PRKCB: variants seen among roughly 807,000 people sequenced by gnomAD.
PRKCB encodes protein kinase C beta type.
Under a neutral mutation model 81.5 loss-of-function variants are expected in PRKCB, and 13 were observed. That is an observed-to-expected ratio of 0.16 (90% confidence interval 0.10 to 0.25). The LOEUF (loss-of-function observed/expected upper bound fraction) is 0.25, where lower values mean the gene tolerates loss of function less well. PRKCB is among the 10% of genes least tolerant of loss of function. PRKCB has a pLI of 1.00. For synonymous variants in PRKCB, 335 were observed against 321.4 expected (o/e 1.04, Z -0.45); for missense variants, 509 against 875.7 (o/e 0.58, Z 5.29).
At chr16:23,981,986 C>G (rs1294908444) in intron 2 of PRKCB, among the ~76,000 whole-genome samples, 3 of 122,332 alleles carry the variant, frequency 2.5e-5, no homozygotes, top group African/African-American at 9.3e-5. Flanking sequence ...CCTTCCCTTT[C>G]CCTTCCTTTT....
intron 7 of PRKCB, among the ~76,000 whole-genome samples, chr16:24,105,055 A>AT (rs71154278): frequency 0.48 from 71,438 of 148,078 alleles, 18,692 homozygotes; most frequent in Non-Finnish European, 0.59. Flanking sequence ...ACGTTGTTGG[A>AT]TTTTTTTTTT....
chr16:23,981,737 C>T (rs1964712276), intron 2 of PRKCB, among the ~76,000 whole-genome samples: 1 of 83,138 alleles, frequency 1.2e-5, no homozygotes, highest in Non-Finnish European at 2.4e-5. Context: ...CCTTCCCCTT[C>T]CCTTCCCCTT....
chr16:23,931,726 C>T (rs117716161), intron 2 of PRKCB, among the ~76,000 whole-genome samples: 4,732 of 152,032 alleles, frequency 0.031, 88 homozygotes, highest in Middle Eastern at 0.061. Flanking sequence ...GGCCTTCTGG[C>T]CTGCTGGGTC....
chr16:23,940,490 A>G (rs1179446018), intron 2 of PRKCB, among the ~76,000 whole-genome samples: 1 of 152,124 alleles, frequency 6.6e-6, no homozygotes, highest in Non-Finnish European at 1.5e-5. Context: ...TTATATTCTG[A>G]TGAAATATAG....
At chr16:23,870,426 AT>A (rs527920250) in intron 2 of PRKCB, among the ~76,000 whole-genome samples, 329 of 152,312 alleles carry the variant, frequency 2.2e-3, no homozygotes, top group Middle Eastern at 0.01. Context: ...TATTTAATCT[AT>A]TGTCAGATAA....
At chr16:23,879,653 CT>C (rs1335318214) in intron 2 of PRKCB, among the ~76,000 whole-genome samples, 1 of 151,968 alleles carries the variant, frequency 6.6e-6, no homozygotes, top group Non-Finnish European at 1.5e-5. Context: ...ACCACCATGC[CT>C]GGCTAAGTTT....
At chr16:23,980,646 C>T (rs1415036018) in intron 2 of PRKCB, among the ~76,000 whole-genome samples, 6 of 152,112 alleles carry the variant, frequency 3.9e-5, no homozygotes, top group African/African-American at 1.4e-4. Flanking sequence ...CTTCTCATTT[C>T]TTCTCCTACC....
chr16:24,027,421 G>C (rs972017497), intron 3 of PRKCB, among the ~76,000 whole-genome samples: 5 of 152,182 alleles, frequency 3.3e-5, no homozygotes, highest in Admixed American at 3.3e-4. Flanking sequence ...GACATGGCTG[G>C]TTAAGCTGCC....
At chr16:23,967,952 G>T (rs1964509963) in intron 2 of PRKCB, among the ~76,000 whole-genome samples, 1 of 152,218 alleles carries the variant, frequency 6.6e-6, no homozygotes, top group Admixed American at 6.5e-5. Flanking sequence ...ACTGCGCCGG[G>T]CCTTTTATGG....
intron 2 of PRKCB, among the ~76,000 whole-genome samples, chr16:23,909,395 T>G (rs1019998370): frequency 6.6e-6 from 1 of 152,196 alleles, no homozygotes; most frequent in African/African-American, 2.4e-5. Context: ...TCCTCTTGGC[T>G]TATAGATAAC....
chr16:23,935,692 A>G (rs2141762248), intron 2 of PRKCB, among the ~76,000 whole-genome samples: 1 of 152,368 alleles, frequency 6.6e-6, no homozygotes, highest in South Asian at 2.1e-4. Context: ...AATACTATGC[A>G]GTCATAAAAG....
chr16:24,210,865 G>T (rs1968129105), intron 16 of PRKCB, among the ~76,000 whole-genome samples: 1 of 152,140 alleles, frequency 6.6e-6, no homozygotes, highest in Non-Finnish European at 1.5e-5. Context: ...CACATTTACA[G>T]TTACAGTCTC....
intron 2 of PRKCB, among the ~76,000 whole-genome samples, chr16:23,933,388 T>A (rs1216616646): frequency 2.6e-5 from 4 of 152,198 alleles, no homozygotes; most frequent in Non-Finnish European, 4.4e-5. Flanking sequence ...TATTTATTGA[T>A]GAGCCCCTTT....
chr16:24,021,072 C>CTCCCTCCTTTCTTTCTTTCTTTTT, intron 3 of PRKCB, among the ~76,000 whole-genome samples: 1 of 94,372 alleles, frequency 1.1e-5, no homozygotes, highest in South Asian at 3.7e-4. Flanking sequence ...CCCTCCCTCC[C>CTCCCTCCTTTCTTTCTTTCTTTTT]TTCTTTCTTT....
At chr16:24,090,559 C>T (rs1438548095) in intron 5 of PRKCB, among the ~76,000 whole-genome samples, 2 of 151,940 alleles carry the variant, frequency 1.3e-5, no homozygotes, top group Non-Finnish European at 2.9e-5. Context: ...AAAGGAGTAG[C>T]TAAAATGCAC....
chr16:24,096,411 C>T (rs1966439130), intron 7 of PRKCB, among the ~76,000 whole-genome samples: 1 of 151,920 alleles, frequency 6.6e-6, no homozygotes. Context: ...ATCATTTTCT[C>T]CCTGTTACAA....
intron 16 of PRKCB, among the ~76,000 whole-genome samples, chr16:24,205,068 C>T (rs895509913): frequency 2.0e-5 from 3 of 150,736 alleles, no homozygotes; most frequent in African/African-American, 4.9e-5. Flanking sequence ...TGCAGTGAGC[C>T]GAGATCGTGC....
At chr16:23,875,580 A>ATATATG (rs1567298462) in intron 2 of PRKCB, among the ~76,000 whole-genome samples, 4 of 15,154 alleles carry the variant, frequency 2.6e-4, no homozygotes, top group Non-Finnish European at 4.7e-4. Flanking sequence ...TATCAAACAC[A>ATATATG]TATGTATATC....
chr16:23,964,895 C>A (rs1235204243), intron 2 of PRKCB, among the ~76,000 whole-genome samples: 1 of 152,098 alleles, frequency 6.6e-6, no homozygotes. Context: ...GTCTTGAATT[C>A]CTGACCTCAA....
Sources: gnomAD v4.1 joint callset for allele counts (sites outside exome capture counted in the v4.1 genomes callset) on GRCh38, gnomAD v4.1.1 for gene constraint, MANE v1.5 for transcripts, NCBI Gene and HGNC (gene_info 2026-07-23, HGNC 2026-07-21) for gene names.